CLCNKB: variants seen among roughly 807,000 people sequenced by gnomAD.
CLCNKB encodes chloride voltage-gated channel Kb.
CLCNKB carries 74 observed loss-of-function variants against 83.8 expected under a neutral mutation model. The observed-to-expected ratio is 0.88, with a 90% CI of 0.73 to 1.07. The LOEUF is 1.07. Among genes scored for constraint, CLCNKB ranks in the 50% least tolerant of loss-of-function variants. The pLI is 0.00. For missense variants in CLCNKB, 798 were observed against 893.6 expected (o/e 0.89, Z 1.36); for synonymous variants, 358 against 356.6 (o/e 1.00, Z -0.04).
In CLCNKB at chr1:16,050,755, C is replaced by T. The variant is rs988333756; in HGVS notation, c.1054-120C>T. On this transcript the variant is annotated intron_variant, in intron 11 of 19. Transcript: ENST00000375679. ...CAGCTTCGGGAGGTCAGAGCCCTGCCCAAGGCCCCCCGCTGGGAAGTGGCA... is the reference window on the plus strand; with the variant it reads ...CAGCTTCGGGAGGTCAGAGCCCTGCTCAAGGCCCCCCGCTGGGAAGTGGCA... The T allele has an allele frequency of 2.6e-6, 4 of 1,544,362 alleles. No homozygotes were observed. In the African/African-American group the frequency reaches 5.4e-5, roughly 21 times the overall value.
At chr1:16,056,217 C>T (rs2023433847) in intron 18 of CLCNKB, among the ~76,000 whole-genome samples, 1 of 152,046 alleles carries the variant, frequency 6.6e-6, no homozygotes, top group Non-Finnish European at 1.5e-5. Context: ...GATATTAGGT[C>T]CTGTTTACCT....
intron 18 of CLCNKB, among the ~76,000 whole-genome samples, chr1:16,056,178 C>T (rs1207227986): frequency 6.6e-6 from 1 of 152,186 alleles, no homozygotes; most frequent in Admixed American, 6.5e-5. Context: ...GAGATGGCCC[C>T]GCCCCCTCTG....
chr1:16,050,388 A>C (rs2023249580), intron 10 of CLCNKB, 128 bp from the exon 11 acceptor site: 2 of 1,007,570 alleles, frequency 2.0e-6, no homozygotes, highest in Non-Finnish European at 3.1e-6. Flanking sequence ...TGTCCCCTGG[A>C]GCTGGCCCAG....
chr1:16,053,562 C>G, intron 15 of CLCNKB, 77 bp from the exon 16 acceptor site: 1 of 1,607,084 alleles, frequency 6.2e-7, no homozygotes, highest in South Asian at 1.1e-5. Context: ...TCAAGCAAAG[C>G]TCCCCACAGA....
chr1:16,049,955 CT>C (rs1557469570), intron 10 of CLCNKB, 39 bp downstream of exon 10: 2 of 1,145,418 alleles, frequency 1.7e-6, no homozygotes, highest in South Asian at 1.6e-5. Context: ...TCTCAGCGAG[CT>C]CCCCCCTCAC....
chr1:16,049,059 G>T (rs759136255), intron 7 of CLCNKB, 61 bp from the exon 8 acceptor site: 1 of 1,613,224 alleles, frequency 6.2e-7, no homozygotes, highest in Non-Finnish European at 8.5e-7. Context: ...ATGGGGAGGG[G>T]GTCCTACAGT....
At chr1:16,050,708 C>A in intron 11 of CLCNKB, 108 bp downstream of exon 11, 1 of 1,481,096 alleles carries the variant, frequency 6.8e-7, no homozygotes, top group South Asian at 1.2e-5. Flanking sequence ...GATGCCTCAG[C>A]ATTATTTTAT....
intron 8 of CLCNKB, 131 bp from the exon 9 acceptor site, chr1:16,049,487 G>A: frequency 6.7e-7 from 1 of 1,502,794 alleles, no homozygotes; most frequent in South Asian, 1.2e-5. Context: ...TGGTTGTGGG[G>A]GCCTGGAATG....
chr1:16,044,908 G>A (rs2023052536), intron 2 of CLCNKB, among the ~76,000 whole-genome samples: 1 of 152,216 alleles, frequency 6.6e-6, no homozygotes, highest in African/African-American at 2.4e-5. Flanking sequence ...TTAGCTGCTG[G>A]GACAGCTGGG....
chr1:16,051,368 C>T (rs539303646), intron 12 of CLCNKB, 110 bp from the exon 13 acceptor site: 67 of 1,378,062 alleles, frequency 4.9e-5, no homozygotes, highest in Middle Eastern at 1.8e-4. Context: ...GGTGCATGGC[C>T]GGCACCCTCT....
chr1:16,046,683 G>A lies in CLCNKB; in HGVS notation c.358+20G>A, dbSNP rs199657323. The A allele has an allele frequency of 2.8e-4, 450 of 1,598,298 alleles. 3 individuals are homozygous for A. Among genetic ancestry groups the A allele is most frequent in the South Asian group, 7.8e-5 (7 of 89,760 alleles). On this transcript the variant is annotated intron_variant, in intron 4 of 19. Transcript: ENST00000375679. The stretch of plus-strand genomic sequence containing the variant: ...CTGGAGGTGAGTCCACAGTCGCTAC[G>A]CCAGTCCCCACTGGCCAAAACCTTC...
Position 16,049,192 on chromosome 1 carries a change from C to T in CLCNKB, c.728C>T (p.Ala243Val), listed in dbSNP as rs2023201601. The T allele has an allele frequency of 1.2e-6, 2 of 1,613,624 alleles. No individual in the cohort carries two copies. The highest frequency in any genetic ancestry group is 1.7e-6 in the Non-Finnish European group (2 of 1,180,006). The change falls in exon 8 of 20, where the codon GCC becomes GTC. Residue 243 changes from alanine (A) to valine (V), a missense_variant. Ala to Val is a moderately conservative substitution (Grantham distance 64, BLOSUM62 0). Coordinates refer to ENST00000375679, the MANE Select transcript of CLCNKB (RefSeq NM_000085.5). ...VWDYWRGFFA[A>V]TCGAFMFRLL... The stretch of plus-strand genomic sequence containing the variant: ...GATTACTGGAGGGGCTTCTTTGCGG[C>T]CACCTGCGGGGCCTTCATGTTCCGG...
In CLCNKB at chr1:16,049,886, A is replaced by G. The variant is rs1252342942; in HGVS notation, c.938A>G (p.Asn313Ser). Residue 313 changes from asparagine to serine, a missense_variant, in exon 10 of 20, where the codon AAT (asparagine) becomes AGT (serine). Transcript: ENST00000375679. ...QRIFFGFIRN[N>S]RFSSKLLATS... ...ATCTTCTTTGGCTTCATCAGGAACA[A>G]TAGGTTCAGCTCCAAACTGCTGGCC... The G allele has an allele frequency of 1.2e-6, 2 of 1,613,866 alleles. No homozygotes were observed. Among genetic ancestry groups the G allele is most frequent in the Non-Finnish European group, 8.5e-7 (1 of 1,179,896 alleles).
intron 16 of CLCNKB, 122 bp from the exon 17 acceptor site, chr1:16,055,313 A>G (rs2023404435): frequency 4.9e-6 from 4 of 811,040 alleles, no homozygotes; most frequent in Non-Finnish European, 8.4e-6. Flanking sequence ...ATAATGGGTG[A>G]CAATAGTCAC....
rs558909091 is a variant in CLCNKB at position 16,055,221 on chromosome 1, C to T, written c.1757-214C>T. On this transcript the variant is annotated intron_variant, in intron 16 of 19. Transcript: ENST00000375679. ...TGGCTCCCTGGCAGCCTCACTCAGC[C>T]ATCCTCAGCTACCACACCTGAATGA... is the stretch of plus-strand genomic sequence containing the variant. 2.0e-5 allele frequency among the ~76,000 whole-genome samples: 3 copies of T among 152,290 alleles called. No individual in the cohort carries two copies. The South Asian group carries it at 6.2e-4, about 32-fold the overall frequency.
Position 16,055,929 on chromosome 1 carries a change from G to T in CLCNKB, c.1929+171G>T, listed in dbSNP as rs141892928. 4.3e-3 allele frequency among the ~76,000 whole-genome samples: 657 copies of T among 152,290 alleles called. 4 individuals carry two copies. Among genetic ancestry groups the T allele is most frequent in the Non-Finnish European group, 8.0e-3 (542 of 68,032 alleles). On this transcript the variant is annotated intron_variant, in intron 18 of 19. Coordinates refer to ENST00000375679, the MANE Select transcript of CLCNKB (RefSeq NM_000085.5). ...CAGCAGACTGGGCAAAGAAGCTCCT[G>T]CCCTGTTGCCCCTCACTGCCAGGGT...
At chr1:16,046,978 C>T (rs1047457132) in intron 4 of CLCNKB, among the ~76,000 whole-genome samples, 1 of 152,206 alleles carries the variant, frequency 6.6e-6, no homozygotes, top group Non-Finnish European at 1.5e-5. Context: ...AGCCCTGCCT[C>T]CTGCTCCAGG....
intron 2 of CLCNKB, among the ~76,000 whole-genome samples, chr1:16,044,897 G>C (rs1043378189): frequency 3.9e-5 from 6 of 152,230 alleles, no homozygotes; most frequent in African/African-American, 1.4e-4. Flanking sequence ...GGACGTGGGG[G>C]TTAGCTGCTG....
In CLCNKB at chr1:16,045,684, G is replaced by C; in HGVS notation, c.227G>C (p.Arg76Pro). 1 of 1,612,432 alleles carries C rather than the reference G, an allele frequency of 6.2e-7. No homozygotes were observed. Among genetic ancestry groups the C allele is most frequent in the Non-Finnish European group, 8.5e-7 (1 of 1,178,888 alleles). Reference protein sequence around the residue: ...AMDLAVESVVRAHQWLYREIG... With the variant: ...AMDLAVESVVPAHQWLYREIG... ...GACTTGGCTGTTGAGAGTGTGGTCC[G>C]AGGTAACCCCTCCATGGCAGGTGCT... is the stretch of plus-strand genomic sequence containing the variant. The change falls in exon 3 of 20, where the codon CGA (arginine) becomes CCA (proline). Residue 76 changes from arginine (R) to proline (P), a missense_variant and splice_region_variant. By Grantham distance (103) the Arg-to-Pro change is moderately radical. Coordinates refer to ENST00000375679, the MANE Select transcript of CLCNKB (RefSeq NM_000085.5).
Sources: allele counts gnomAD v4.1 joint callset (sites outside exome capture counted in the v4.1 genomes callset), GRCh38; gene constraint gnomAD v4.1.1; transcripts MANE v1.5; gene names NCBI Gene and HGNC (gene_info 2026-07-23, HGNC 2026-07-21).